Variants in AGPAT4 observed in about 807,000 individuals in gnomAD.
AGPAT4 encodes 1-acylglycerol-3-phosphate O-acyltransferase 4, also known as 1-acyl-sn-glycerol-3-phosphate acyltransferase delta.
A neutral mutation model predicts 48.0 loss-of-function variants in AGPAT4; 15 were observed. The ratio of observed to expected loss-of-function variants is 0.31; its 90% CI spans 0.21 to 0.48. The LOEUF is 0.48. Ranked by LOEUF, AGPAT4 falls within the 20% of genes least tolerant of loss-of-function variation. The pLI is 0.99. For missense variants in AGPAT4, 314 were observed against 482.5 expected, an observed-to-expected ratio of 0.65 and a Z score of 3.27; for synonymous variants, 178 against 198.7, an observed-to-expected ratio of 0.90 and a Z score of 0.88.
At position 161,178,639 on chromosome 6, in the gene AGPAT4, C is replaced by T. The variant is rs540722262; in HGVS notation, c.179-12222G>A. ...ACTCGCGTGGGCTGCACCCACTGTC[C>T]GACAAGCCCCAGTGAGATGAACCTG... On this transcript the variant is annotated intron_variant, in intron 2 of 8. Transcript: ENST00000320285. The surrounding 1 kb of genome is among the most constrained non-coding windows in gnomAD (Gnocchi z 5.1). 3.3e-4 allele frequency among the ~76,000 whole-genome samples: 50 copies of T among 152,268 alleles called. No individual in the cohort carries two copies. The highest frequency in any genetic ancestry group is 3.4e-3 in the Middle Eastern group (1 of 294).
intron 5 of AGPAT4, among the ~76,000 whole-genome samples, chr6:161,151,525 G>A (rs1344591530): frequency 1.3e-5 from 2 of 152,250 alleles, no homozygotes; most frequent in Non-Finnish European, 2.9e-5. Flanking sequence ...ACCCCACCAG[G>A]GGCAGAAGGT....
rs1436801429 is a variant in AGPAT4, at chr6:161,161,868, G to A, written c.348+4380C>T. 15 of 252,382 alleles carry A rather than the reference G, an allele frequency of 5.9e-5. No individual in the cohort carries two copies. Among genetic ancestry groups the A allele is most frequent in the South Asian group, 3.7e-4 (7 of 18,734 alleles). 15.6% of individuals were successfully genotyped at this position (252,382 alleles called of 1,614,324 possible). A position where few individuals can be genotyped will look rare whatever the true frequency, so the allele number is the denominator to read the frequency against. On this transcript the variant is annotated intron_variant, in intron 3 of 8. Transcript: ENST00000320285. This position sits in a 1 kb window ranked among gnomAD's most constrained non-coding sequence, Gnocchi z 4.6. ...AGAGGCAGCACAGGGCTTTATGGGCGCCCTCACGCACAGGCACTCTGCCTA... is the reference window on the plus strand; with the variant it reads ...AGAGGCAGCACAGGGCTTTATGGGCACCCTCACGCACAGGCACTCTGCCTA...
chr6:161,139,880 G>A lies in AGPAT4; in HGVS notation c.844-260C>T, dbSNP rs1401292042. Among the ~76,000 whole-genome samples the A allele has an allele frequency of 6.6e-6, 1 of 152,238 alleles. No individual in the cohort carries two copies. ...TCACTGAGTGCAGGGCGTGGAGCAT[G>A]AACCCTGGCGCCAGGCCAGCCTGGG... On this transcript the variant is annotated intron_variant, in intron 7 of 8. Coordinates refer to ENST00000320285, the MANE Select transcript of AGPAT4 (RefSeq NM_020133.3). This position sits in a 1 kb window ranked among gnomAD's most constrained non-coding sequence, Gnocchi z 9.1.
At position 161,142,854 on chromosome 6, in the gene AGPAT4, A is replaced by G. The variant is rs2114954927; in HGVS notation, c.844-3234T>C. Among the ~76,000 whole-genome samples the G allele has an allele frequency of 6.6e-6, 1 of 152,346 alleles. No individual in the cohort carries two copies. Among genetic ancestry groups the G allele is most frequent in the Non-Finnish European group, 1.5e-5 (1 of 68,026 alleles). ...TGCAAAGGACTTACCATGGGAGCCA[A>G]GCCTTGAGGCTCCCTGCTGCCCTTC... On this transcript the variant is annotated intron_variant, in intron 7 of 8. Coordinates refer to ENST00000320285, the MANE Select transcript of AGPAT4 (RefSeq NM_020133.3). The surrounding 1 kb of genome is among the most constrained non-coding windows in gnomAD (Gnocchi z 6.4).
chr6:161,154,431 T>TC lies in AGPAT4; in HGVS notation c.349-122dup. 1 of 1,130,228 alleles carries TC rather than the reference T, an allele frequency of 8.8e-7. No homozygotes were observed. Among genetic ancestry groups the TC allele is most frequent in the African/African-American group, 1.6e-5 (1 of 63,918 alleles). 70.0% of individuals were successfully genotyped at this position (1,130,228 alleles called of 1,614,324 possible). A position where few individuals can be genotyped will look rare whatever the true frequency, so the allele number is the denominator to read the frequency against. On this transcript the variant is annotated intron_variant, in intron 3 of 8. Coordinates refer to ENST00000320285, the MANE Select transcript of AGPAT4 (RefSeq NM_020133.3). This position sits in a 1 kb window ranked among gnomAD's most constrained non-coding sequence, Gnocchi z 7.8. Reference sequence around the variant, plus strand: ...GTTCACACCAGACGCCTCGGGACAGTCCCAGAACACATGCTGTCGAGGCCA... The same window carrying TC: ...GTTCACACCAGACGCCTCGGGACAGTCCCCAGAACACATGCTGTCGAGGCCA...
rs1275942880 is a variant in AGPAT4, at chr6:161,204,132, T to C, written c.178+27904A>G. Among the ~76,000 whole-genome samples, 1 of 152,092 alleles carries C rather than the reference T, an allele frequency of 6.6e-6. No individual in the cohort carries two copies. Among genetic ancestry groups the C allele is most frequent in the Non-Finnish European group, 1.5e-5 (1 of 68,046 alleles). Reference sequence around the variant, plus strand: ...AAGACTAAACACATACTCAGGAATGTGTGCTTAAAAAAACTTAAATTTTTC... The same window carrying C: ...AAGACTAAACACATACTCAGGAATGCGTGCTTAAAAAAACTTAAATTTTTC... On this transcript the variant is annotated intron_variant, in intron 2 of 8. Transcript: ENST00000320285. The surrounding 1 kb of genome is among the most constrained non-coding windows in gnomAD (Gnocchi z 4.4).
chr6:161,234,807 AG>A lies in AGPAT4; in HGVS notation c.-89-2506del, dbSNP rs869212075. On this transcript the variant is annotated intron_variant, in intron 1 of 8. Transcript: ENST00000320285. This position sits in a 1 kb window ranked among gnomAD's most constrained non-coding sequence, Gnocchi z 4.4. ...GGAAGCCAGCTGACATCGGAAATGC[AG>A]GGGGTTAAATGCTGCCTTCTTCAGT... Among the ~76,000 whole-genome samples, 2 of 152,140 alleles carry A rather than the reference AG, an allele frequency of 1.3e-5. No individual in the cohort carries two copies. The highest frequency in any genetic ancestry group is 3.8e-4 in the East Asian group (2 of 5,202).
rs1780861766 is a variant in AGPAT4, at chr6:161,189,490, G to T, written c.179-23073C>A. On this transcript the variant is annotated intron_variant, in intron 2 of 8. Coordinates refer to ENST00000320285, the MANE Select transcript of AGPAT4 (RefSeq NM_020133.3). This position sits in a 1 kb window ranked among gnomAD's most constrained non-coding sequence, Gnocchi z 5.3. ...CAGTGAGTGAGGCTCGTCACATGCG[G>T]AATTCACTTACTTACAACCTTAGTT... 6.6e-6 allele frequency among the ~76,000 whole-genome samples: 1 copy of T among 152,210 alleles called. No homozygotes were observed. Among genetic ancestry groups the T allele is most frequent in the South Asian group, 2.1e-4 (1 of 4,826 alleles).
chr6:161,235,361 G>A lies in AGPAT4; in HGVS notation c.-89-3059C>T, dbSNP rs1238792705. ...CAAGGCATCCTCTGAAGAAGAAGGT[G>A]AGAAGTGCTCGAGTTGTTAAATAAT... On this transcript the variant is annotated intron_variant, in intron 1 of 8. Coordinates refer to ENST00000320285, the MANE Select transcript of AGPAT4 (RefSeq NM_020133.3). The surrounding 1 kb of genome is among the most constrained non-coding windows in gnomAD (Gnocchi z 6.2). 1.3e-5 allele frequency among the ~76,000 whole-genome samples: 2 copies of A among 152,196 alleles called. No individual in the cohort carries two copies. Among genetic ancestry groups the A allele is most frequent in the African/African-American group, 2.4e-5 (1 of 41,452 alleles).
rs939895445 is a variant in AGPAT4, at chr6:161,221,951, C to T, written c.178+10085G>A. ...CTATTTCCAAACAAGTTCACATTCA[C>T]AAGCACTGGGCTTTCAACATCTTGG... On this transcript the variant is annotated intron_variant, in intron 2 of 8. Transcript: ENST00000320285. The surrounding 1 kb of genome is among the most constrained non-coding windows in gnomAD (Gnocchi z 4.5). Among the ~76,000 whole-genome samples, 1 of 152,234 alleles carries T rather than the reference C, an allele frequency of 6.6e-6. No homozygotes were observed. Among genetic ancestry groups the T allele is most frequent in the Non-Finnish European group, 1.5e-5 (1 of 68,046 alleles).
chr6:161,201,128 G>A lies in AGPAT4; in HGVS notation c.178+30908C>T, dbSNP rs1164861665. On this transcript the variant is annotated intron_variant, in intron 2 of 8. Coordinates refer to ENST00000320285, the MANE Select transcript of AGPAT4 (RefSeq NM_020133.3). The surrounding 1 kb of genome is among the most constrained non-coding windows in gnomAD (Gnocchi z 6.0). ...AATCTTGTCCCATTGATCAACTCAGGTTCCTCTGCAATATTGATCCTCCAG... is the reference window on the plus strand; with the variant it reads ...AATCTTGTCCCATTGATCAACTCAGATTCCTCTGCAATATTGATCCTCCAG... Among the ~76,000 whole-genome samples the A allele has an allele frequency of 6.6e-6, 1 of 152,180 alleles. No individual in the cohort carries two copies. Among genetic ancestry groups the A allele is most frequent in the Non-Finnish European group, 1.5e-5 (1 of 68,044 alleles).
Position 161,146,492 on chromosome 6 carries a change from G to C in AGPAT4, c.843+32C>G, listed in dbSNP as rs757920893. The C allele has an allele frequency of 6.2e-6, 10 of 1,610,116 alleles. No individual in the cohort carries two copies. The South Asian group carries it at 9.9e-5, about 16-fold the overall frequency. On this transcript the variant is annotated intron_variant, in intron 7 of 8. Transcript: ENST00000320285. This position sits in a 1 kb window ranked among gnomAD's most constrained non-coding sequence, Gnocchi z 7.1. ...CACACGGCGCACCCACAGCTGCAAC[G>C]TGAAGGGACCCCTGGCACCCAGTGC...
chr6:161,225,251 C>G lies in AGPAT4; in HGVS notation c.178+6785G>C, dbSNP rs545746023. Among the ~76,000 whole-genome samples, 1 of 152,288 alleles carries G rather than the reference C, an allele frequency of 6.6e-6. No homozygotes were observed. The highest frequency in any genetic ancestry group is 2.1e-4 in the South Asian group (1 of 4,822). On this transcript the variant is annotated intron_variant, in intron 2 of 8. Coordinates refer to ENST00000320285, the MANE Select transcript of AGPAT4 (RefSeq NM_020133.3). The surrounding 1 kb of genome is among the most constrained non-coding windows in gnomAD (Gnocchi z 5.0). ...ATTTTTCCCGCCAAACCACTCACCC[C>G]GTCACTCTCTTTAAATTAGCCAATC...
rs1779651288 is a variant in AGPAT4 at position 161,153,474 on chromosome 6, C to T, written c.536G>A (p.Arg179Gln). ...YFFLIHCEGT[R>Q]FTEKKHEISM... ...GATCTCATGCTTCTTCTCCGTGAAC[C>T]GTGTGCCCTCACAGTGAATCAGGAA... is the stretch of plus-strand genomic sequence containing the variant. Residue 179 changes from arginine to glutamine, a missense_variant, in exon 5 of 9, where the codon CGG (arginine) becomes CAG (glutamine). Transcript: ENST00000320285. 6.2e-7 allele frequency: 1 copy of T among 1,613,668 alleles called. No homozygotes were observed. The highest frequency in any genetic ancestry group is 8.5e-7 in the Non-Finnish European group (1 of 1,179,858).
chr6:161,198,784 GT>G lies in AGPAT4; in HGVS notation c.179-32368del, dbSNP rs543994216. ...CTTTACACTGACGGAGTGCGTGAAT[GT>G]TAACAGGGAAACTGACCTGGAACGT... On this transcript the variant is annotated intron_variant, in intron 2 of 8. Coordinates refer to ENST00000320285, the MANE Select transcript of AGPAT4 (RefSeq NM_020133.3). The surrounding 1 kb of genome is among the most constrained non-coding windows in gnomAD (Gnocchi z 4.3). Among the ~76,000 whole-genome samples, 164 of 152,296 alleles carry G rather than the reference GT, an allele frequency of 1.1e-3. No homozygotes were observed. The highest frequency in any genetic ancestry group is 3.6e-3 in the African/African-American group (151 of 41,560).
In AGPAT4 at chr6:161,221,132, A is replaced by G. The variant is rs1439709779; in HGVS notation, c.178+10904T>C. 6.6e-6 allele frequency among the ~76,000 whole-genome samples: 1 copy of G among 152,142 alleles called. No homozygotes were observed. Among genetic ancestry groups the G allele is most frequent in the Non-Finnish European group, 1.5e-5 (1 of 68,022 alleles). ...ACACAAACGCTGGATGAACATGGTG[A>G]GCAAGGAACACATGGTGAAGGAAAC... On this transcript the variant is annotated intron_variant, in intron 2 of 8. Transcript: ENST00000320285. This position sits in a 1 kb window ranked among gnomAD's most constrained non-coding sequence, Gnocchi z 4.5.
chr6:161,196,107 C>T lies in AGPAT4; in HGVS notation c.179-29690G>A, dbSNP rs545566467. ...TCCCAAGACAGAAATATAACCCTGA[C>T]CTCTTTCTAGAATGGTGTGGTTCGC... is the stretch of plus-strand genomic sequence containing the variant. On this transcript the variant is annotated intron_variant, in intron 2 of 8. Coordinates refer to ENST00000320285, the MANE Select transcript of AGPAT4 (RefSeq NM_020133.3). The surrounding 1 kb of genome is among the most constrained non-coding windows in gnomAD (Gnocchi z 4.3). Among the ~76,000 whole-genome samples, 7 of 152,258 alleles carry T rather than the reference C, an allele frequency of 4.6e-5. No individual in the cohort carries two copies. The South Asian group carries it at 1.4e-3, about 32-fold the overall frequency.
chr6:161,268,295 G>A (rs1783321839), intron 1 of AGPAT4, among the ~76,000 whole-genome samples: 1 of 152,156 alleles, frequency 6.6e-6, no homozygotes, highest in South Asian at 2.1e-4. Flanking sequence ...CAGGTTACCT[G>A]GCATAAACTA....
chr6:161,188,004 T>C (rs1376765943), intron 2 of AGPAT4, among the ~76,000 whole-genome samples: 1 of 152,172 alleles, frequency 6.6e-6, no homozygotes, highest in African/African-American at 2.4e-5. Flanking sequence ...ATTCAGCTGA[T>C]TTTCATTATC....
Sources: gnomAD v4.1 joint callset for allele counts (sites outside exome capture counted in the v4.1 genomes callset) on GRCh38, gnomAD v4.1.1 for gene constraint, Gnocchi (gnomAD v3.1) non-coding constraint, MANE v1.5 for transcripts, NCBI Gene and HGNC (gene_info 2026-07-23, HGNC 2026-07-21) for gene names.